Variants in MAP3K15 observed in about 807,000 individuals in gnomAD.
MAP3K15 encodes the protein mitogen-activated protein kinase kinase kinase 15.
MAP3K15 carries 124 observed loss-of-function variants against 99.5 expected under a neutral mutation model. That is an observed-to-expected ratio of 1.25 (90% CI 1.08 to 1.45). The LOEUF is 1.45. Among genes scored for constraint, MAP3K15 ranks in the 40% most tolerant of loss-of-function variants. The pLI is 0.00. For synonymous variants in MAP3K15, 494 were observed against 439.6 expected (o/e 1.12, Z -1.55); for missense variants, 1,242 against 1,079.7 (o/e 1.15, Z -2.11).
rs960163576 is a variant in MAP3K15, at chrX:19,431,422, C to T, written c.1166+16G>A. 4 of 1,193,799 alleles carry T rather than the reference C, an allele frequency of 3.4e-6. No homozygotes were observed. The highest frequency in any genetic ancestry group is 3.0e-5 in the East Asian group (1 of 33,708). ...TGAAGAGATGCAAGTGCTCATAACTCGGGCTGAGGGTTTACCACTCAATGG... is the reference window on the plus strand; with the variant it reads ...TGAAGAGATGCAAGTGCTCATAACTTGGGCTGAGGGTTTACCACTCAATGG... On this transcript the variant is annotated intron_variant, in intron 7 of 28. Coordinates refer to ENST00000338883, the MANE Select transcript of MAP3K15 (RefSeq NM_001001671.4).
rs1282465036 is a variant in MAP3K15, at chrX:19,431,443, A to G, written c.1161T>C (p.Ile387=). The G allele has an allele frequency of 3.5e-5, 42 of 1,198,016 alleles. No individual in the cohort carries two copies. Among genetic ancestry groups the G allele is most frequent in the Non-Finnish European group, 4.5e-5 (40 of 894,546 alleles). The change falls in exon 7 of 29, where the codon ATT becomes ATC. Residue 387 remains isoleucine, a synonymous_variant. Transcript: ENST00000338883. ...AACTCGGGCTGAGGGTTTACCACTC[A>G]ATGGCGCTGTCGCGGCTGGTGTCAT... ...CKDDTSRDSA[I]EWYRKGFELQ...
In MAP3K15 at chrX:19,426,257, T is replaced by G; in HGVS notation, c.1253A>C (p.Glu418Ala). The G allele has an allele frequency of 8.6e-7, 1 of 1,156,897 alleles. No homozygotes were observed. The highest frequency in any genetic ancestry group is 1.1e-6 in the Non-Finnish European group (1 of 869,855). ...TATTTTCCTTAGTTCCAAGGAAGTTTCAAATTGTTGTCCAGCAACAATCAG... is the reference window on the plus strand; with the variant it reads ...TATTTTCCTTAGTTCCAAGGAAGTTGCAAATTGTTGTCCAGCAACAATCAG... ...VLLIVAGQQF[E>A]TSLELRKIGV... The change falls in exon 8 of 29, where the codon GAA (glutamate) becomes GCA (alanine). Residue 418 changes from glutamate (E) to alanine (A), a missense_variant. Transcript: ENST00000338883.
Position 19,360,804 on chromosome X carries a change from G to A in MAP3K15, c.3887C>T (p.Ala1296Val), listed in dbSNP as rs756039907. 4.3e-5 allele frequency: 52 copies of A among 1,205,863 alleles called. No individual in the cohort carries two copies. Among genetic ancestry groups the A allele is most frequent in the East Asian group, 8.9e-5 (3 of 33,623 alleles). The change falls in exon 29 of 29, where the codon GCG (alanine) becomes GTG (valine). Residue 1296 changes from alanine to valine, a missense_variant. By Grantham distance (64) the Ala-to-Val change is moderately conservative. Transcript: ENST00000338883. ...RGGLLCRLWS[A>V]VSQYRRAQEA... ...CTGAGCCCTTCTGTACTGGGAGACC[G>A]CACTCCAGAGTCTGCAGAGGAGACC...
rs181681890 is a variant in MAP3K15 at position 19,418,668 on chromosome X, A to C, written c.1440-3411T>G. On this transcript the variant is annotated intron_variant, in intron 9 of 28. Coordinates refer to ENST00000338883, the MANE Select transcript of MAP3K15 (RefSeq NM_001001671.4). Reference sequence around the variant, plus strand: ...AACTAGCAAGGCAGGCCAACATTCAAATTCAGGAAATACAGAGAACACCAC... The same window carrying C: ...AACTAGCAAGGCAGGCCAACATTCACATTCAGGAAATACAGAGAACACCAC... Among the ~76,000 whole-genome samples, 324 of 111,177 alleles carry C rather than the reference A, an allele frequency of 2.9e-3. 2 individuals are homozygous for C. The highest frequency in any genetic ancestry group is 9.8e-3 in the African/African-American group (300 of 30,577).
chrX:19,483,115 G>A (rs944832585), intron 3 of MAP3K15, among the ~76,000 whole-genome samples: 2 of 109,451 alleles, frequency 1.8e-5, no homozygotes, highest in Admixed American at 9.7e-5. Context: ...AAAATTAGCC[G>A]GTCATGGTGG....
At chrX:19,470,390 G>A (rs758780597) in intron 3 of MAP3K15, among the ~76,000 whole-genome samples, 214 of 110,333 alleles carry the variant, frequency 1.9e-3, no homozygotes, top group Non-Finnish European at 1.8e-3. Flanking sequence ...ATCACACACC[G>A]GAGAATGTTG....
At chrX:19,387,255 G>A in intron 18 of MAP3K15, among the ~76,000 whole-genome samples, 1 of 111,787 alleles carries the variant, frequency 8.9e-6, no homozygotes, top group Non-Finnish European at 1.9e-5. Flanking sequence ...CAGCAGACAG[G>A]GGGCTGTAAG....
At chrX:19,398,137 C>T (rs1434408092) in intron 15 of MAP3K15, 89 bp downstream of exon 15, 2 of 1,068,117 alleles carry the variant, frequency 1.9e-6, no homozygotes, top group Non-Finnish European at 2.5e-6. Flanking sequence ...AATGCTTTTG[C>T]CCTTAACTCC....
At chrX:19,412,127 G>A (rs2063693485) in intron 11 of MAP3K15, among the ~76,000 whole-genome samples, 1 of 112,074 alleles carries the variant, frequency 8.9e-6, no homozygotes, top group Non-Finnish European at 1.9e-5. Flanking sequence ...CTAACCCACA[G>A]CCACCTGCAG....
At chrX:19,394,808 TTTTTTTTTTTTTTTTTTTTTTTTTTTTA>T (rs1276155730) in intron 16 of MAP3K15, among the ~76,000 whole-genome samples, 15 of 58,890 alleles carry the variant, frequency 2.5e-4, no homozygotes, top group African/African-American at 1.3e-3. Flanking sequence ...TTTTTTTTTT[TTTTTTTTTTTTTTTTTTTTTTTTTTTTA>T]AAAAGAGTGA....
chrX:19,487,165 A>G, intron 2 of MAP3K15, among the ~76,000 whole-genome samples: 3 of 109,998 alleles, frequency 2.7e-5, no homozygotes, highest in South Asian at 4.0e-4. Context: ...ACCATAACTA[A>G]ACAGCTGCCC....
intron 21 of MAP3K15, chrX:19,373,079 G>A: frequency 4.2e-6 from 1 of 240,526 alleles, no homozygotes; most frequent in Non-Finnish European, 7.3e-6. Flanking sequence ...GAGGGAGGGA[G>A]GGAAGGGGGC....
chrX:19,403,625 A>AT (rs111526644), intron 13 of MAP3K15, among the ~76,000 whole-genome samples: 133 of 94,997 alleles, frequency 1.4e-3, no homozygotes, highest in East Asian at 3.6e-3. Flanking sequence ...TGCTGAGCTA[A>AT]TTTTTTTTTT....
chrX:19,505,747 CTTTTTTT>C (rs573926654), intron 1 of MAP3K15, among the ~76,000 whole-genome samples: 3 of 96,223 alleles, frequency 3.1e-5, no homozygotes, highest in Admixed American at 1.1e-4. Flanking sequence ...AATCTCTTTT[CTTTTTTT>C]TTTTTTTTTG....
intron 6 of MAP3K15, among the ~76,000 whole-genome samples, chrX:19,447,669 G>A (rs1017221498): frequency 9.7e-6 from 1 of 102,905 alleles, no homozygotes; most frequent in African/African-American, 3.5e-5. Flanking sequence ...AGATCACGAG[G>A]TCAGGAGATG....
chrX:19,420,960 A>G (rs2063779115), intron 9 of MAP3K15, among the ~76,000 whole-genome samples: 1 of 111,585 alleles, frequency 9.0e-6, no homozygotes, highest in African/African-American at 3.3e-5. Context: ...GATGCAGAAA[A>G]GGCCTTTGAC....
chrX:19,398,584 A>G (rs5955769), intron 14 of MAP3K15, among the ~76,000 whole-genome samples: 14,267 of 111,433 alleles, frequency 0.13, 1,512 homozygotes, highest in African/African-American at 0.35. Context: ...AATGGAATCC[A>G]AGAAAATTAA....
At chrX:19,402,726 G>A (rs1006815056) in intron 13 of MAP3K15, among the ~76,000 whole-genome samples, 10 of 111,279 alleles carry the variant, frequency 9.0e-5, no homozygotes, top group Non-Finnish European at 1.1e-4. Context: ...GTGCAGTGGC[G>A]TGATCATGGT....
rs183252205 is a variant in MAP3K15 at position 19,506,543 on chromosome X, C to T, written c.361+8358G>A. ...TTTTATTTATTTATTTTTCTTGAGA[C>T]GGAGTCTTGCTCTGCCGCCCAGGCT... is the stretch of plus-strand genomic sequence containing the variant. On this transcript the variant is annotated intron_variant, in intron 1 of 28. Coordinates refer to ENST00000338883, the MANE Select transcript of MAP3K15 (RefSeq NM_001001671.4). 2.2e-4 allele frequency among the ~76,000 whole-genome samples: 25 copies of T among 111,923 alleles called. No individual in the cohort carries two copies. In the East Asian group the frequency reaches 6.5e-3, roughly 29 times the overall value.
Sources: allele counts gnomAD v4.1 joint callset (sites outside exome capture counted in the v4.1 genomes callset), GRCh38; gene constraint gnomAD v4.1.1; transcripts MANE v1.5; gene names NCBI Gene and HGNC (gene_info 2026-07-23, HGNC 2026-07-21).